Variants in PLCB1 observed in about 807,000 individuals in gnomAD.
PLCB1 encodes 1-phosphatidylinositol 4,5-bisphosphate phosphodiesterase beta-1.
PLCB1 carries 46 observed loss-of-function variants against 161.8 expected under a neutral mutation model. The ratio of observed to expected loss-of-function variants is 0.28; its 90% confidence interval spans 0.22 to 0.36. The LOEUF is 0.36. Among genes scored for constraint, PLCB1 ranks in the 10% least tolerant of loss-of-function variants. The probability of loss-of-function intolerance (pLI) is 1.00; values close to 1 mark genes in which losing one functional copy is unlikely to be tolerated. For synonymous variants in PLCB1, 517 were observed against 503.7 expected (o/e 1.03, Z -0.35); for missense variants, 1,016 against 1,472.5 (o/e 0.69, Z 5.07).
chr20:8,818,340 G>A (rs904731963), intron 31 of PLCB1, among the ~76,000 whole-genome samples: 3 of 152,178 alleles, frequency 2.0e-5, no homozygotes, highest in African/African-American at 7.2e-5. Flanking sequence ...AGGATACAGT[G>A]AGGACTGAGG....
intron 2 of PLCB1, among the ~76,000 whole-genome samples, chr20:8,224,780 C>T (rs370529439): frequency 6.6e-6 from 1 of 152,058 alleles, no homozygotes; most frequent in African/African-American, 2.4e-5. Flanking sequence ...CTAGAATCTC[C>T]GTGTGTTCTT....
intron 4 of PLCB1, among the ~76,000 whole-genome samples, chr20:8,643,683 A>C (rs1362892289): frequency 1.3e-5 from 2 of 151,878 alleles, no homozygotes; most frequent in Admixed American, 6.6e-5. Context: ...AGGTCGGGAG[A>C]TCGAGACCAT....
chr20:8,655,997 T>C (rs1989447346), intron 7 of PLCB1, among the ~76,000 whole-genome samples: 1 of 151,996 alleles, frequency 6.6e-6, no homozygotes, highest in Non-Finnish European at 1.5e-5. Flanking sequence ...GTTATACTTG[T>C]TCCCTTTTTA....
intron 3 of PLCB1, among the ~76,000 whole-genome samples, chr20:8,505,019 G>A (rs372960321): frequency 2.0e-5 from 3 of 152,136 alleles, no homozygotes; most frequent in East Asian, 3.9e-4. Flanking sequence ...TCACCAAGCC[G>A]GGCTACTTAT....
chr20:8,746,760 C>T (rs1371902793), intron 23 of PLCB1, among the ~76,000 whole-genome samples: 5 of 152,192 alleles, frequency 3.3e-5, no homozygotes, highest in African/African-American at 4.8e-5. Context: ...AAATTGCTTG[C>T]CCTGTGCCAC....
intron 27 of PLCB1, among the ~76,000 whole-genome samples, chr20:8,775,784 C>T (rs891215857): frequency 3.9e-5 from 6 of 152,158 alleles, no homozygotes; most frequent in African/African-American, 1.4e-4. Flanking sequence ...AAATTTTCAA[C>T]AGATCTCTCG....
At chr20:8,385,583 C>T (rs957777975) in intron 3 of PLCB1, among the ~76,000 whole-genome samples, 12 of 152,232 alleles carry the variant, frequency 7.9e-5, no homozygotes, top group Admixed American at 6.5e-4. Flanking sequence ...TAAGCAGATT[C>T]GAGCTGAGAG....
At chr20:8,451,601 C>T (rs1191197452) in intron 3 of PLCB1, among the ~76,000 whole-genome samples, 1 of 152,102 alleles carries the variant, frequency 6.6e-6, no homozygotes, top group Non-Finnish European at 1.5e-5. Context: ...CCACCCACCT[C>T]GGCCTCCCAA....
chr20:8,197,343 T>A (rs2052035863), intron 2 of PLCB1, among the ~76,000 whole-genome samples: 1 of 152,178 alleles, frequency 6.6e-6, no homozygotes, highest in Non-Finnish European at 1.5e-5. Context: ...GACTTTTTAA[T>A]GATTGCCATT....
chr20:8,874,367 A>G (rs1011125029), intron 31 of PLCB1, among the ~76,000 whole-genome samples: 8 of 152,028 alleles, frequency 5.3e-5, no homozygotes, highest in South Asian at 2.1e-4. Flanking sequence ...ACATAACCAT[A>G]CAAAGAATAT....
intron 2 of PLCB1, among the ~76,000 whole-genome samples, chr20:8,244,571 TTC>T (rs1980781232): frequency 6.6e-6 from 1 of 151,834 alleles, no homozygotes; most frequent in African/African-American, 2.4e-5. Context: ...ACCCACTCTC[TTC>T]CTGGGGAGGG....
intron 1 of PLCB1, among the ~76,000 whole-genome samples, chr20:8,141,163 ATC>A (rs2051399254): frequency 6.6e-6 from 1 of 152,202 alleles, no homozygotes. Flanking sequence ...TTTCCAAAGA[ATC>A]TCTGTTATTT....
chr20:8,684,163 C>T (rs189802013), intron 9 of PLCB1, among the ~76,000 whole-genome samples: 10 of 152,086 alleles, frequency 6.6e-5, no homozygotes, highest in East Asian at 3.9e-4. Flanking sequence ...GGATTACAGG[C>T]GTGAGCCACC....
At chr20:8,354,282 A>T (rs1215489066) in intron 2 of PLCB1, among the ~76,000 whole-genome samples, 3 of 152,164 alleles carry the variant, frequency 2.0e-5, no homozygotes, top group African/African-American at 7.2e-5. Flanking sequence ...TCAAGAAAAA[A>T]ACTCAAAGAC....
chr20:8,572,227 T>C (rs1047450799), intron 3 of PLCB1, among the ~76,000 whole-genome samples: 4 of 152,130 alleles, frequency 2.6e-5, no homozygotes, highest in African/African-American at 9.7e-5. Flanking sequence ...TGTACAAAAC[T>C]AGTATCATTG....
chr20:8,266,702 C>G (rs1005005701), intron 2 of PLCB1, among the ~76,000 whole-genome samples: 3 of 152,176 alleles, frequency 2.0e-5, no homozygotes, highest in African/African-American at 7.2e-5. Context: ...AATAGCCTTT[C>G]TCTCCAGATG....
chr20:8,757,023 T>G, intron 23 of PLCB1, 23 bp from the exon 24 acceptor site: 2 of 1,566,038 alleles, frequency 1.3e-6, no homozygotes, highest in Non-Finnish European at 1.7e-6. Context: ...ATGTGGAAAA[T>G]GAAAGGATAT....
chr20:8,416,868 C>T (rs1002592703), intron 3 of PLCB1, among the ~76,000 whole-genome samples: 2 of 150,682 alleles, frequency 1.3e-5, no homozygotes, highest in African/African-American at 2.4e-5. Context: ...GTGAATGCTA[C>T]GCATAGTGCT....
At chr20:8,580,668 A>T (rs1465304658) in intron 3 of PLCB1, among the ~76,000 whole-genome samples, 5 of 152,256 alleles carry the variant, frequency 3.3e-5, no homozygotes, top group Admixed American at 2.6e-4. Context: ...AGGCACTATG[A>T]TAGGTGCTGG....
Sources: gnomAD v4.1 joint callset for allele counts (sites outside exome capture counted in the v4.1 genomes callset) on GRCh38, gnomAD v4.1.1 for gene constraint, MANE v1.5 for transcripts, NCBI Gene and HGNC (gene_info 2026-07-23, HGNC 2026-07-21) for gene names.